The following PCP4 variants were observed in gnomAD, a reference collection of about 807,000 sequenced individuals.
The protein encoded by PCP4 is Purkinje cell protein 4.
A neutral mutation model predicts 10.0 loss-of-function variants in PCP4; 8 were observed. That is an observed-to-expected ratio of 0.80 (90% CI 0.47 to 1.45). The LOEUF (loss-of-function observed/expected upper bound fraction) is 1.45. Ranked by LOEUF, PCP4 falls within the 40% of genes most tolerant of loss-of-function variation. The pLI is 0.00. For synonymous variants in PCP4, 21 were observed against 23.0 expected, an observed-to-expected ratio of 0.91 and a Z score of 0.24; for missense variants, 54 against 74.4, an observed-to-expected ratio of 0.73 and a Z score of 1.01.
intron 2 of PCP4, among the ~76,000 whole-genome samples, chr21:39,902,790 C>A (rs1398935561): frequency 6.6e-6 from 1 of 152,024 alleles, no homozygotes; most frequent in Non-Finnish European, 1.5e-5. Flanking sequence ...ATTTTTCATT[C>A]CTCTATGAGC....
At chr21:39,869,701 G>A (rs1354537665) in intron 1 of PCP4, among the ~76,000 whole-genome samples, 3 of 152,178 alleles carry the variant, frequency 2.0e-5, no homozygotes, top group Non-Finnish European at 4.4e-5. Context: ...CCTCAAATCT[G>A]CTTAAAATCT....
At chr21:39,883,369 CA>C (rs1036647447) in intron 1 of PCP4, 1 of 152,216 alleles carries the variant, frequency 6.6e-6, no homozygotes, top group Non-Finnish European at 1.5e-5. Flanking sequence ...CACCTTGTAA[CA>C]GGGCCACTGA....
chr21:39,892,782 A>G (rs901969072), intron 1 of PCP4, among the ~76,000 whole-genome samples: 2 of 152,178 alleles, frequency 1.3e-5, no homozygotes, highest in Admixed American at 6.5e-5. Context: ...CTGTTGTGCT[A>G]TCAAATAGCA....
intron 1 of PCP4, among the ~76,000 whole-genome samples, chr21:39,874,231 C>T (rs911064059): frequency 6.6e-6 from 1 of 152,190 alleles, no homozygotes; most frequent in Non-Finnish European, 1.5e-5. Context: ...GGTTTCTGCC[C>T]TCCATTTTAG....
chr21:39,926,084 G>A (rs1418920077), intron 2 of PCP4: 1 of 455,810 alleles, frequency 2.2e-6, no homozygotes, highest in Non-Finnish European at 4.4e-6. Flanking sequence ...ACTCCTGACT[G>A]GCTCAGCGGA....
Position 39,906,360 on chromosome 21 carries a change from T to G in PCP4, c.61+7833T>G, listed in dbSNP as rs566172441. ...CTTAGCCAAACCAGAAACTATTGTATCCATAGTACCATTATCCCATCAGTT... is the reference window on the plus strand; with the variant it reads ...CTTAGCCAAACCAGAAACTATTGTAGCCATAGTACCATTATCCCATCAGTT... On this transcript the variant is annotated intron_variant, in intron 2 of 2. Coordinates refer to ENST00000328619, the MANE Select transcript of PCP4 (RefSeq NM_006198.3). The surrounding 1 kb of genome is among the most constrained non-coding windows in gnomAD (Gnocchi z 6.3). 6.6e-6 allele frequency among the ~76,000 whole-genome samples: 1 copy of G among 152,308 alleles called. No homozygotes were observed. The highest frequency in any genetic ancestry group is 1.9e-4 in the East Asian group (1 of 5,188).
chr21:39,869,390 G>A (rs1460734174), intron 1 of PCP4, among the ~76,000 whole-genome samples: 1 of 152,234 alleles, frequency 6.6e-6, no homozygotes, highest in South Asian at 2.1e-4. Context: ...CAGCTCTGTA[G>A]TCACCGCCCC....
intron 2 of PCP4, chr21:39,925,907 C>G: frequency 2.6e-6 from 1 of 385,700 alleles, no homozygotes; most frequent in South Asian, 2.0e-5. Flanking sequence ...GTGGTCCCTT[C>G]CCTTACTCTC....
intron 2 of PCP4, among the ~76,000 whole-genome samples, chr21:39,919,862 TGTG>T (rs979023505): frequency 6.6e-6 from 1 of 151,282 alleles, no homozygotes; most frequent in Non-Finnish European, 1.5e-5. Flanking sequence ...TGTGTTTGTG[TGTG>T]GTGTGTATGA....
intron 1 of PCP4, among the ~76,000 whole-genome samples, chr21:39,886,972 C>G (rs2087403321): frequency 1.3e-5 from 2 of 152,098 alleles, no homozygotes; most frequent in Non-Finnish European, 2.9e-5. Flanking sequence ...CCATATCCTA[C>G]TTTTGCAAAT....
In PCP4 at chr21:39,920,199, A is replaced by G. The variant is rs571369640; in HGVS notation, c.62-8785A>G. The stretch of plus-strand genomic sequence containing the variant: ...TGTGTGGTGTGTGTTTGTGTGTGAT[A>G]CGATATGTGTGTTTGGTGTGGTGTG... On this transcript the variant is annotated intron_variant, in intron 2 of 2. Transcript: ENST00000328619. Among the ~76,000 whole-genome samples, 4 of 115,834 alleles carry G rather than the reference A, an allele frequency of 3.5e-5. No homozygotes were observed. The Admixed American group carries it at 3.8e-4, about 11-fold the overall frequency. 76.0% of individuals were successfully genotyped at this position (115,834 alleles called of 152,430 possible). A position where few individuals can be genotyped will look rare whatever the true frequency, so the allele number is the denominator to read the frequency against.
At chr21:39,916,871 T>C (rs112784239) in intron 2 of PCP4, among the ~76,000 whole-genome samples, 4,999 of 152,216 alleles carry the variant, frequency 0.033, 293 homozygotes, top group African/African-American at 0.11. Flanking sequence ...CCACATGTTC[T>C]CACTTATAAG....
intron 2 of PCP4, among the ~76,000 whole-genome samples, chr21:39,901,895 G>T (rs1769969445): frequency 6.6e-6 from 1 of 152,024 alleles, no homozygotes. Context: ...ACAAAAACTG[G>T]AACAGCCCAA....
chr21:39,896,745 G>A (rs540423813), intron 1 of PCP4, among the ~76,000 whole-genome samples: 12 of 152,210 alleles, frequency 7.9e-5, no homozygotes, highest in African/African-American at 1.4e-4. Flanking sequence ...AAGGTTTTCC[G>A]AGATGATACA....
At chr21:39,889,695 C>T (rs902589264) in intron 1 of PCP4, among the ~76,000 whole-genome samples, 66 of 152,064 alleles carry the variant, frequency 4.3e-4, no homozygotes, top group African/African-American at 1.4e-3. Context: ...GGATTACAGG[C>T]GTGAGCCACC....
intron 2 of PCP4, among the ~76,000 whole-genome samples, chr21:39,916,782 T>A (rs994516964): frequency 6.6e-6 from 1 of 152,174 alleles, no homozygotes; most frequent in Non-Finnish European, 1.5e-5. Context: ...AGGAATGAGA[T>A]CATGTCCTTT....
intron 2 of PCP4, among the ~76,000 whole-genome samples, chr21:39,922,941 T>G (rs2087603573): frequency 6.6e-6 from 1 of 152,186 alleles, no homozygotes; most frequent in South Asian, 2.1e-4. Flanking sequence ...GGAGCTATAG[T>G]GATCAATAAG....
intron 1 of PCP4, among the ~76,000 whole-genome samples, chr21:39,890,663 C>G (rs2087425875): frequency 6.6e-6 from 1 of 152,168 alleles, no homozygotes; most frequent in African/African-American, 2.4e-5. Flanking sequence ...GCCACCGTGC[C>G]TGGACAAAAT....
intron 1 of PCP4, among the ~76,000 whole-genome samples, chr21:39,891,565 G>A (rs971865512): frequency 3.3e-5 from 5 of 152,222 alleles, no homozygotes; most frequent in African/African-American, 1.2e-4. Context: ...GGCATAAGAC[G>A]AAGAGATAAA....
Sources: gnomAD v4.1 joint callset for allele counts (sites outside exome capture counted in the v4.1 genomes callset) on GRCh38, gnomAD v4.1.1 for gene constraint, Gnocchi (gnomAD v3.1) non-coding constraint, MANE v1.5 for transcripts, NCBI Gene and HGNC (gene_info 2026-07-23, HGNC 2026-07-21) for gene names.